Variants in DGKD observed in about 807,000 individuals in gnomAD.
The protein encoded by DGKD is diacylglycerol kinase delta.
DGKD carries 68 observed loss-of-function variants against 154.4 expected under a neutral mutation model. That is an observed-to-expected ratio of 0.44 (90% CI 0.36 to 0.54). The LOEUF (loss-of-function observed/expected upper bound fraction) is 0.54, where lower values mean the gene tolerates loss of function less well. Among genes scored for constraint, DGKD ranks in the 20% least tolerant of loss-of-function variants. DGKD has a pLI of 0.00. For missense variants in DGKD, 1,343 were observed against 1,593.6 expected, an observed-to-expected ratio of 0.84 and a Z score of 2.68; for synonymous variants, 693 against 638.0, an observed-to-expected ratio of 1.09 and a Z score of -1.30.
At chr2:233,447,043 G>C (rs1387624189) in intron 12 of DGKD, among the ~76,000 whole-genome samples, 1 of 152,198 alleles carries the variant, frequency 6.6e-6, no homozygotes, top group Non-Finnish European at 1.5e-5. Context: ...GCCGGGTGGT[G>C]GGGTGGTCCT....
Position 233,414,947 on chromosome 2 carries a change from C to T in DGKD, c.349-19433C>T, listed in dbSNP as rs145186445. ...GAGTTGGTAAGGGGCTGGAAGGGCC[C>T]ATTCTTTGTGTGTGTGGGTATTTTT... On this transcript the variant is annotated intron_variant, in intron 3 of 29. Transcript: ENST00000264057. Among the ~76,000 whole-genome samples the T allele has an allele frequency of 1.2e-3, 182 of 152,218 alleles. 1 individual carries two copies. The highest frequency in any genetic ancestry group is 4.1e-3 in the African/African-American group (169 of 41,534).
chr2:233,459,897 A>G lies in DGKD; in HGVS notation c.2829+6A>G. ...AGACACTGACCAGAGACAGGGTAAG[A>G]GCGGCTGCCCGCGGTACCTGGGTGG... is the stretch of plus-strand genomic sequence containing the variant. On this transcript the variant is annotated splice_donor_region_variant and intron_variant, in intron 23 of 29. Coordinates refer to ENST00000264057, the MANE Select transcript of DGKD (RefSeq NM_152879.3). This position sits in a 1 kb window ranked among gnomAD's most constrained non-coding sequence, Gnocchi z 5.7. 2 of 1,613,044 alleles carry G rather than the reference A, an allele frequency of 1.2e-6. No individual in the cohort carries two copies. Among genetic ancestry groups the G allele is most frequent in the Non-Finnish European group, 1.7e-6 (2 of 1,179,456 alleles).
intron 3 of DGKD, chr2:233,429,271 C>T (rs1283879968): frequency 2.1e-5 from 21 of 985,228 alleles, no homozygotes; most frequent in Admixed American, 6.1e-5. Context: ...TTGCATGACT[C>T]CTAATATAAT....
chr2:233,418,679 G>A (rs1336919174), intron 3 of DGKD, among the ~76,000 whole-genome samples: 1 of 152,356 alleles, frequency 6.6e-6, no homozygotes, highest in Non-Finnish European at 1.5e-5. Flanking sequence ...TGCTCTGACT[G>A]TGCTGTGGGT....
At chr2:233,465,899 AAC>A (rs934100513) in intron 27 of DGKD, among the ~76,000 whole-genome samples, 1 of 152,044 alleles carries the variant, frequency 6.6e-6, no homozygotes, top group Non-Finnish European at 1.5e-5. Flanking sequence ...TAATAATTAA[AAC>A]ACCATAAAAA....
chr2:233,423,066 A>G (rs995313017), intron 3 of DGKD, among the ~76,000 whole-genome samples: 1 of 152,168 alleles, frequency 6.6e-6, no homozygotes, highest in Non-Finnish European at 1.5e-5. Context: ...CTGGAGCCTC[A>G]TTGAGGTTGA....
intron 3 of DGKD, among the ~76,000 whole-genome samples, chr2:233,424,157 A>C (rs2062214764): frequency 6.6e-6 from 1 of 152,080 alleles, no homozygotes; most frequent in Non-Finnish European, 1.5e-5. Flanking sequence ...GCCTCACATT[A>C]ATTACTCTTA....
At chr2:233,415,839 T>G (rs1559520214) in intron 3 of DGKD, among the ~76,000 whole-genome samples, 1 of 152,162 alleles carries the variant, frequency 6.6e-6, no homozygotes, top group African/African-American at 2.4e-5. Flanking sequence ...TTGCCCAGGC[T>G]GGTCTTGAAC....
intron 1 of DGKD, among the ~76,000 whole-genome samples, chr2:233,355,509 G>A (rs1701495624): frequency 1.3e-5 from 2 of 152,218 alleles, no homozygotes. Context: ...TGGCAGATCC[G>A]GTTGGCACGG....
intron 1 of DGKD, among the ~76,000 whole-genome samples, chr2:233,359,585 C>T (rs910627522): frequency 6.6e-6 from 1 of 151,622 alleles, no homozygotes; most frequent in African/African-American, 2.4e-5. Context: ...CTCTCGGCTC[C>T]AGAAGAGCAA....
In DGKD at chr2:233,467,119, A is replaced by T; in HGVS notation, c.3340A>T (p.Ser1114Cys). 6.2e-7 allele frequency: 1 copy of T among 1,614,216 alleles called. No individual in the cohort carries two copies. The highest frequency in any genetic ancestry group is 8.5e-7 in the Non-Finnish European group (1 of 1,180,034). ...GCTGGATCTTGCCAAGCGCAGTCGCAGTGGTAAATTCCGCCTCGTGACCAA... is the reference window on the plus strand; with the variant it reads ...GCTGGATCTTGCCAAGCGCAGTCGCTGTGGTAAATTCCGCCTCGTGACCAA... ...VMLDLAKRSRSGKFRLVTKFK... is the reference protein window; with the variant it reads ...VMLDLAKRSRCGKFRLVTKFK... The change falls in exon 28 of 30, where the codon AGT becomes TGT. Residue 1114 changes from serine (S) to cysteine (C), a missense_variant. Physicochemically the swap from Ser to Cys is moderately radical, Grantham distance 112 (BLOSUM62 -1). Coordinates refer to ENST00000264057, the MANE Select transcript of DGKD (RefSeq NM_152879.3).
At chr2:233,442,122 G>C (rs765940475) in intron 10 of DGKD, 127 bp downstream of exon 10, 5 of 934,970 alleles carry the variant, frequency 5.3e-6, no homozygotes, top group Non-Finnish European at 8.5e-6. Flanking sequence ...TGGTGGTTTT[G>C]GGGAGTGTGC....
intron 10 of DGKD, among the ~76,000 whole-genome samples, chr2:233,443,686 C>G (rs935468485): frequency 6.6e-6 from 1 of 152,232 alleles, no homozygotes; most frequent in Non-Finnish European, 1.5e-5. Context: ...TTTGACAGCT[C>G]GGGCCGTGAG....
rs1302303081 is a variant in DGKD, at chr2:233,451,029, A to C, written c.2146A>C (p.Asn716His). 6.2e-7 allele frequency: 1 copy of C among 1,611,754 alleles called. No individual in the cohort carries two copies. Among genetic ancestry groups the C allele is most frequent in the Admixed American group, 1.7e-5 (1 of 59,994 alleles). Residue 716 changes from asparagine to histidine, a missense_variant, in exon 17 of 30, where the codon AAC becomes CAC. Asn to His is a moderately conservative substitution (Grantham distance 68). This residue lies in a region of DGKD where 409 missense variants were observed against 446.0 expected (regional missense o/e 0.92). Coordinates refer to ENST00000264057, the MANE Select transcript of DGKD (RefSeq NM_152879.3). Reference sequence around the variant, plus strand: ...AAGCCGGGACGGCCTGCCTGCGCTCAACACCAAGATCCTGTACCCAAGTGA... The same window carrying C: ...AAGCCGGGACGGCCTGCCTGCGCTCCACACCAAGATCCTGTACCCAAGTGA... Reference protein sequence around the residue: ...PGSRDGLPALNTKILYPNVRA... With the variant: ...PGSRDGLPALHTKILYPNVRA...
rs1462880333 is a variant in DGKD, at chr2:233,456,964, A to G, written c.2441A>G (p.Tyr814Cys). 3.1e-6 allele frequency: 5 copies of G among 1,614,230 alleles called. No individual in the cohort carries two copies. Among genetic ancestry groups the G allele is most frequent in the African/African-American group, 1.3e-5 (1 of 75,074 alleles). Residue 814 changes from tyrosine (Y) to cysteine (C), a missense_variant, in exon 20 of 30, where the codon TAC becomes TGC. Tyr to Cys is a radical substitution (Grantham distance 194). Around this residue, in one of 6 missense-constraint regions of DGKD, gnomAD observed 60 missense variants for 112.4 expected, o/e 0.53. Coordinates refer to ENST00000264057, the MANE Select transcript of DGKD (RefSeq NM_152879.3). ...LGTKELLHRT[Y>C]KNLEQKVLLE... ...ACCAAAGAGTTGCTGCACAGAACCTACAAGAACCTGGAGCAAAAGGTCTTG... is the reference window on the plus strand; with the variant it reads ...ACCAAAGAGTTGCTGCACAGAACCTGCAAGAACCTGGAGCAAAAGGTCTTG...
rs2063931192 is a variant in DGKD, at chr2:233,469,369, A to G, written c.3556-2A>G. On this transcript the variant is annotated splice_acceptor_variant, in intron 29 of 29. Coordinates refer to ENST00000264057, the MANE Select transcript of DGKD (RefSeq NM_152879.3). LOFTEE classifies it high-confidence loss of function. ...TCCATGGCGGTGTCTTCTCTGTTGCAGGACCTGGGCGTGACCAAGGTGGGC... is the reference window on the plus strand; with the variant it reads ...TCCATGGCGGTGTCTTCTCTGTTGCGGGACCTGGGCGTGACCAAGGTGGGC... 1 of 1,610,342 alleles carries G rather than the reference A, an allele frequency of 6.2e-7. No homozygotes were observed. The highest frequency in any genetic ancestry group is 8.5e-7 in the Non-Finnish European group (1 of 1,178,508).
Position 233,434,894 on chromosome 2 carries a change from C to G in DGKD, c.579C>G (p.Ser193=), listed in dbSNP as rs1049782672. 1.2e-6 allele frequency: 2 copies of G among 1,613,038 alleles called. No homozygotes were observed. Among genetic ancestry groups the G allele is most frequent in the African/African-American group, 2.7e-5 (2 of 74,888 alleles). Residue 193 remains serine (S), a synonymous_variant, in exon 5 of 30, where the codon TCC becomes TCG. Transcript: ENST00000264057. ...CTGGGGTCACGTCGCACGGGCTGTC[C>G]TGCGAGGGTACGGATGTGCGTTTGT... ...ALSGVTSHGL[S]CEVCKFKAHK...
intron 3 of DGKD, among the ~76,000 whole-genome samples, chr2:233,402,299 C>T (rs2061579937): frequency 6.6e-6 from 1 of 152,138 alleles, no homozygotes; most frequent in African/African-American, 2.4e-5. Context: ...CAAAGCTTTC[C>T]AAAATCTTAG....
At chr2:233,419,004 C>T (rs901074068) in intron 3 of DGKD, among the ~76,000 whole-genome samples, 4 of 152,148 alleles carry the variant, frequency 2.6e-5, no homozygotes, top group African/African-American at 9.7e-5. Flanking sequence ...CTACGCACAT[C>T]CCAGCTGCTT....
Sources: gnomAD v4.1 joint callset for allele counts (sites outside exome capture counted in the v4.1 genomes callset) on GRCh38, gnomAD v4.1.1 for gene constraint, gnomAD v4.1.1 regional missense constraint, Gnocchi (gnomAD v3.1) non-coding constraint, MANE v1.5 for transcripts, NCBI Gene and HGNC (gene_info 2026-07-23, HGNC 2026-07-21) for gene names.